FHL2: variants seen among roughly 807,000 people sequenced by gnomAD.
The protein encoded by FHL2 is four and a half LIM domains protein 2.
A neutral mutation model predicts 32.7 loss-of-function variants in FHL2; 20 were observed. The observed-to-expected ratio is 0.61, with a 90% CI of 0.43 to 0.89. The LOEUF is 0.89. Among genes scored for constraint, FHL2 ranks in the 40% least tolerant of loss-of-function variants. The pLI, the probability that FHL2 is intolerant of heterozygous loss-of-function variation, is 0.00. For missense variants in FHL2, 311 were observed against 358.6 expected (o/e 0.87, Z 1.07); for synonymous variants, 123 against 128.1 (o/e 0.96, Z 0.27).
intron 1 of FHL2, among the ~76,000 whole-genome samples, chr2:105,425,971 GTCTC>G (rs1558733400): frequency 1.3e-5 from 2 of 152,136 alleles, no homozygotes; most frequent in Admixed American, 6.5e-5. Flanking sequence ...TCTATACTTT[GTCTC>G]TCTGTCTTAT....
chr2:105,424,293 C>T (rs925449451), intron 1 of FHL2, among the ~76,000 whole-genome samples: 9 of 152,152 alleles, frequency 5.9e-5, no homozygotes, highest in African/African-American at 2.2e-4. Context: ...TCATCACTGG[C>T]CATCAGAGAA....
At chr2:105,419,447 T>C (rs1684034359) in intron 1 of FHL2, among the ~76,000 whole-genome samples, 1 of 152,134 alleles carries the variant, frequency 6.6e-6, no homozygotes. Context: ...AAGCAGCAAA[T>C]GCAGAAAAAG....
chr2:105,407,261 G>A (rs59234923), intron 1 of FHL2, among the ~76,000 whole-genome samples: 28,805 of 151,666 alleles, frequency 0.19, 2,846 homozygotes, highest in South Asian at 0.25. Context: ...ACGTGGTGGC[G>A]GGCGCCTGTA....
At chr2:105,408,151 C>T (rs544544878) in intron 1 of FHL2, among the ~76,000 whole-genome samples, 1 of 152,324 alleles carries the variant, frequency 6.6e-6, no homozygotes, top group African/African-American at 2.4e-5. Flanking sequence ...GGTACCCTCA[C>T]AGTTGCAGTG....
upstream of FHL2, among the ~76,000 whole-genome samples, chr2:105,402,678 G>C (rs1683511894): frequency 6.6e-6 from 1 of 152,164 alleles, no homozygotes; most frequent in Admixed American, 6.5e-5. Flanking sequence ...TGCAATTTCT[G>C]GGTTTAATGA....
chr2:105,387,088 A>G (rs919596482), intron 2 of FHL2, among the ~76,000 whole-genome samples: 1 of 152,088 alleles, frequency 6.6e-6, no homozygotes, highest in African/African-American at 2.4e-5. Context: ...TGAAAAGCAC[A>G]AATTATTTTT....
chr2:105,409,781 G>A (rs539008176), intron 1 of FHL2, among the ~76,000 whole-genome samples: 57 of 152,338 alleles, frequency 3.7e-4, no homozygotes, highest in African/African-American at 1.3e-3. Flanking sequence ...ACCTGGAGCT[G>A]CCTGTGTGAA....
upstream of FHL2, among the ~76,000 whole-genome samples, chr2:105,403,624 T>TAAA (rs1339493978): frequency 2.0e-5 from 3 of 152,198 alleles, no homozygotes; most frequent in Admixed American, 2.0e-4. Flanking sequence ...GCTCCTGCTT[T>TAAA]AACACGCCCT....
chr2:105,368,499 CT>C (rs1194364990), intron 4 of FHL2, among the ~76,000 whole-genome samples: 1 of 152,176 alleles, frequency 6.6e-6, no homozygotes, highest in African/African-American at 2.4e-5. Flanking sequence ...TGGCTGAAAT[CT>C]TCATGTGTTA....
At chr2:105,371,361 A>G (rs1316735685) in intron 4 of FHL2, among the ~76,000 whole-genome samples, 1 of 152,166 alleles carries the variant, frequency 6.6e-6, no homozygotes. Flanking sequence ...CCCTAAGGGC[A>G]ACTAATTCTT....
chr2:105,426,150 C>A (rs924538477), intron 1 of FHL2, among the ~76,000 whole-genome samples: 1 of 152,110 alleles, frequency 6.6e-6, no homozygotes, highest in Non-Finnish European at 1.5e-5. Flanking sequence ...ATCTTGCATG[C>A]AAGCTTTTAC....
At chr2:105,417,712 AGAAT>A (rs1180352758) in intron 1 of FHL2, among the ~76,000 whole-genome samples, 5 of 151,700 alleles carry the variant, frequency 3.3e-5, no homozygotes, top group Admixed American at 2.0e-4. Flanking sequence ...AAAGAAAGAA[AGAAT>A]GAAAAAAAGA....
chr2:105,408,673 G>T (rs1296364804), intron 1 of FHL2, among the ~76,000 whole-genome samples: 1 of 152,188 alleles, frequency 6.6e-6, no homozygotes, highest in Non-Finnish European at 1.5e-5. Flanking sequence ...GCATACACAT[G>T]ATGGCCCTGA....
At position 105,381,810 on chromosome 2, in the gene FHL2, C is replaced by A. The variant is rs529314232; in HGVS notation, c.156+4551G>T. 9.9e-5 allele frequency among the ~76,000 whole-genome samples: 15 copies of A among 151,652 alleles called. No individual in the cohort carries two copies. In the South Asian group the frequency reaches 3.1e-3, roughly 31 times the overall value. On this transcript the variant is annotated intron_variant, in intron 3 of 6. Transcript: ENST00000530340. ...TTGCTCATTGAGAACTTAAAAACCA[C>A]CCCAACAAATAAAAAAGCACCAGGT...
intron 4 of FHL2, among the ~76,000 whole-genome samples, chr2:105,369,751 C>T (rs1482667725): frequency 6.6e-6 from 1 of 152,200 alleles, no homozygotes; most frequent in East Asian, 1.9e-4. Flanking sequence ...TCAAGCAGCC[C>T]AGAAGCCAAA....
At chr2:105,424,241 G>C (rs1033519848) in intron 1 of FHL2, among the ~76,000 whole-genome samples, 12 of 152,190 alleles carry the variant, frequency 7.9e-5, no homozygotes, top group Non-Finnish European at 2.9e-5. Flanking sequence ...CTTCTCAAAA[G>C]AAGACATTTA....
At chr2:105,418,916 G>A (rs563613938) in intron 1 of FHL2, among the ~76,000 whole-genome samples, 107 of 152,260 alleles carry the variant, frequency 7.0e-4, no homozygotes, top group Non-Finnish European at 1.2e-3. Flanking sequence ...TTTATCATAT[G>A]TATGTATACA....
At chr2:105,378,436 G>A (rs1681639089) in intron 3 of FHL2, 1 of 295,178 alleles carries the variant, frequency 3.4e-6, no homozygotes. Context: ...TATCCCCTGG[G>A]AACCATTTCG....
chr2:105,358,558 G>A (rs965418926), downstream of FHL2: 17 of 152,304 alleles, frequency 1.1e-4, no homozygotes, highest in African/African-American at 4.1e-4. Context: ...GTGGGGATGG[G>A]ATAGGATGAG....
Sources: allele counts gnomAD v4.1 joint callset (sites outside exome capture counted in the v4.1 genomes callset), GRCh38; gene constraint gnomAD v4.1.1; transcripts MANE v1.5; gene names NCBI Gene and HGNC (gene_info 2026-07-23, HGNC 2026-07-21).